ZNF407: variants seen among roughly 807,000 people sequenced by gnomAD.
The protein encoded by ZNF407 is zinc finger protein 407.
Under a neutral mutation model 131.2 loss-of-function variants are expected in ZNF407, and 17 were observed. That is an observed-to-expected ratio of 0.13 (90% confidence interval 0.09 to 0.19). ZNF407 has a LOEUF of 0.19. Among genes scored for constraint, ZNF407 ranks in the 10% least tolerant of loss-of-function variants. ZNF407 has a pLI of 1.00. For synonymous variants in ZNF407, 1,156 were observed against 1,062.0 expected (o/e 1.09, Z -1.72); for missense variants, 2,681 against 2,830.6 (o/e 0.95, Z 1.20).
At chr18:74,679,367 T>G (rs1966928944) in intron 3 of ZNF407, among the ~76,000 whole-genome samples, 1 of 152,220 alleles carries the variant, frequency 6.6e-6, no homozygotes, top group Non-Finnish European at 1.5e-5. Context: ...CATGATCCCG[T>G]TCTCTTTCTA....
At chr18:74,845,752 T>C (rs1213258878) in intron 4 of ZNF407, among the ~76,000 whole-genome samples, 1 of 152,232 alleles carries the variant, frequency 6.6e-6, no homozygotes, top group African/African-American at 2.4e-5. Flanking sequence ...GAAGGTGTTA[T>C]CTTGAATGAA....
chr18:74,762,369 G>A (rs138787619), intron 3 of ZNF407, among the ~76,000 whole-genome samples: 1 of 152,040 alleles, frequency 6.6e-6, no homozygotes, highest in Non-Finnish European at 1.5e-5. Context: ...AATTATTATG[G>A]ACTTCCTATT....
Position 75,018,974 on chromosome 18 carries a change from AC to A in ZNF407, c.5429-44174del, listed in dbSNP as rs899448291. 1.3e-3 allele frequency among the ~76,000 whole-genome samples: 203 copies of A among 152,246 alleles called. 1 individual carries two copies. Among genetic ancestry groups the A allele is most frequent in the African/African-American group, 4.7e-3 (196 of 41,562 alleles). ...TTCATAAACCCCACTTAGAACATAG[AC>A]CTGAAGGTCCTCAGCAAAACACAGG... On this transcript the variant is annotated intron_variant, in intron 8 of 8. Transcript: ENST00000299687.
At chr18:75,003,389 G>GTGT (rs1972870718) in intron 8 of ZNF407, among the ~76,000 whole-genome samples, 1 of 152,152 alleles carries the variant, frequency 6.6e-6, no homozygotes, top group African/African-American at 2.4e-5. Context: ...GATGGGAATC[G>GTGT]TGTACATCCC....
At chr18:74,877,906 GAC>G (rs920332201) in intron 5 of ZNF407, among the ~76,000 whole-genome samples, 1 of 152,174 alleles carries the variant, frequency 6.6e-6, no homozygotes, top group African/African-American at 2.4e-5. Flanking sequence ...TTGATACAAA[GAC>G]ACTAATCCGC....
chr18:74,875,794 T>C (rs1313631892), intron 4 of ZNF407, among the ~76,000 whole-genome samples: 1 of 152,186 alleles, frequency 6.6e-6, no homozygotes, highest in Non-Finnish European at 1.5e-5. Flanking sequence ...TTTACATATA[T>C]AGATAAATAA....
At chr18:74,961,354 A>G (rs549265437) in intron 8 of ZNF407, among the ~76,000 whole-genome samples, 1 of 152,326 alleles carries the variant, frequency 6.6e-6, no homozygotes, top group Admixed American at 6.5e-5. Flanking sequence ...ATGGTGACCT[A>G]GCAGATCATG....
chr18:74,888,056 G>C (rs1971334958), intron 6 of ZNF407, among the ~76,000 whole-genome samples: 1 of 152,108 alleles, frequency 6.6e-6, no homozygotes, highest in African/African-American at 2.4e-5. Context: ...TTGATAAAGA[G>C]TAATTTTAAA....
chr18:75,063,933 G>A lies in ZNF407; in HGVS notation c.6212G>A (p.Arg2071Gln), dbSNP rs201021175. ...TCAGCAGCCATGGCCTCTCAGGAGC[G>A]GGCACAGGTGGCCTTCAAGAAGATG... ...HPSAAMASQE[R>Q]AQVAFKKMVQ... The change falls in exon 9 of 9, where the codon CGG becomes CAG. Residue 2071 changes from arginine (R) to glutamine (Q), a missense_variant. By Grantham distance (43) the Arg-to-Gln change is conservative (BLOSUM62 1). Coordinates refer to ENST00000299687, the MANE Select transcript of ZNF407 (RefSeq NM_017757.3). The surrounding 1 kb of genome is among the most constrained non-coding windows in gnomAD (Gnocchi z 6.6). The A allele has an allele frequency of 1.5e-5, 24 of 1,613,686 alleles. No homozygotes were observed. The East Asian group carries it at 2.0e-4, about 13-fold the overall frequency.
At chr18:74,881,444 G>A (rs1159100267) in intron 6 of ZNF407, among the ~76,000 whole-genome samples, 2 of 152,092 alleles carry the variant, frequency 1.3e-5, no homozygotes, top group East Asian at 1.9e-4. Flanking sequence ...CTTAGGCCTC[G>A]TGGGTGGAAA....
At chr18:74,912,353 C>T (rs1331239508) in intron 7 of ZNF407, among the ~76,000 whole-genome samples, 5 of 151,852 alleles carry the variant, frequency 3.3e-5, no homozygotes, top group African/African-American at 4.8e-5. Flanking sequence ...TCTGGGTGGG[C>T]AGTTGTGATC....
At chr18:74,985,551 G>A (rs779448237) in intron 8 of ZNF407, among the ~76,000 whole-genome samples, 1 of 152,166 alleles carries the variant, frequency 6.6e-6, no homozygotes, top group Non-Finnish European at 1.5e-5. Context: ...AAGGAGGAAA[G>A]CCAGTCTTCC....
At chr18:74,728,848 A>G (rs967269925) in intron 3 of ZNF407, among the ~76,000 whole-genome samples, 2 of 152,204 alleles carry the variant, frequency 1.3e-5, no homozygotes, top group Admixed American at 6.5e-5. Flanking sequence ...CTTGAAGTTG[A>G]AAGAGAACCA....
chr18:74,604,347 C>A (rs1295184666), intron 1 of ZNF407, among the ~76,000 whole-genome samples: 1 of 144,072 alleles, frequency 6.9e-6, no homozygotes, highest in African/African-American at 2.5e-5. Context: ...CATTTTGATC[C>A]TTTGCTTGTC....
intron 4 of ZNF407, among the ~76,000 whole-genome samples, chr18:74,871,683 T>C (rs1971089160): frequency 6.6e-6 from 1 of 152,022 alleles, no homozygotes; most frequent in South Asian, 2.1e-4. Context: ...ACTGGTGTGG[T>C]TTTTGTAGAT....
At chr18:75,036,566 A>G (rs536307142) in intron 8 of ZNF407, among the ~76,000 whole-genome samples, 3 of 152,352 alleles carry the variant, frequency 2.0e-5, no homozygotes, top group South Asian at 2.1e-4. Context: ...ATCTTAACAA[A>G]TGTTGTTTTA....
chr18:74,610,870 T>A (rs576848068), intron 1 of ZNF407, among the ~76,000 whole-genome samples: 2 of 152,344 alleles, frequency 1.3e-5, no homozygotes, highest in African/African-American at 4.8e-5. Context: ...GGGACATTTT[T>A]AAGGTTTCTT....
chr18:74,897,144 C>T (rs747711280), intron 7 of ZNF407, among the ~76,000 whole-genome samples: 3 of 152,178 alleles, frequency 2.0e-5, no homozygotes, highest in Non-Finnish European at 4.4e-5. Context: ...CAAGCATTTA[C>T]ACTAGGTCTT....
intron 8 of ZNF407, among the ~76,000 whole-genome samples, chr18:75,027,778 GC>G (rs1021747460): frequency 1.2e-4 from 19 of 152,270 alleles, no homozygotes; most frequent in Admixed American, 6.5e-4. Flanking sequence ...AGAAGGAGTG[GC>G]CAGTGAGACA....
Sources: allele counts gnomAD v4.1 joint callset (sites outside exome capture counted in the v4.1 genomes callset), GRCh38; gene constraint gnomAD v4.1.1; non-coding constraint Gnocchi (gnomAD v3.1); transcripts MANE v1.5; gene names NCBI Gene and HGNC (gene_info 2026-07-23, HGNC 2026-07-21).